The following SPHKAP variants were observed in gnomAD, a reference collection of about 807,000 sequenced individuals.
SPHKAP encodes SPHK1 interactor, AKAP domain containing, also known as A-kinase anchor protein SPHKAP.
SPHKAP carries 67 observed loss-of-function variants against 137.5 expected under a neutral mutation model. The observed-to-expected ratio is 0.49, with a 90% CI of 0.40 to 0.60. The LOEUF (loss-of-function observed/expected upper bound fraction) is 0.60. Ranked by LOEUF, SPHKAP falls within the 20% of genes least tolerant of loss-of-function variation. The probability of loss-of-function intolerance (pLI) is 0.00; values close to 1 mark genes in which losing one functional copy is unlikely to be tolerated. For synonymous variants in SPHKAP, 813 were observed against 785.3 expected, an observed-to-expected ratio of 1.04 and a Z score of -0.59; for missense variants, 2,097 against 2,069.3, an observed-to-expected ratio of 1.01 and a Z score of -0.26.
chr2:228,021,560 C>T (rs866302697), intron 6 of SPHKAP, 151 bp downstream of exon 6: 1 of 950,512 alleles, frequency 1.1e-6, no homozygotes, highest in Admixed American at 2.5e-5. Context: ...CCAGTGTTCT[C>T]ATATCCTCCT....
chr2:228,019,651 C>G lies in SPHKAP; in HGVS notation c.1203G>C (p.Gln401His). The G allele has an allele frequency of 6.2e-7, 1 of 1,614,110 alleles. No individual in the cohort carries two copies. The highest frequency in any genetic ancestry group is 8.5e-7 in the Non-Finnish European group (1 of 1,179,990). The change falls in exon 7 of 12, where the codon CAG becomes CAC. Residue 401 changes from glutamine (Q) to histidine (H), a missense_variant. Gln to His is a conservative substitution (Grantham distance 24). Coordinates refer to ENST00000392056, the MANE Select transcript of SPHKAP (RefSeq NM_001142644.2). Reference sequence around the variant, plus strand: ...ATTGAGATAATCTAATAAATGCATCCTGCAGCACGGATTCTGCTAAATTTG... The same window carrying G: ...ATTGAGATAATCTAATAAATGCATCGTGCAGCACGGATTCTGCTAAATTTG... ...YATNLAESVL[Q>H]DAFIRLSQSQ... is the part of the protein sequence containing the mutation.
At chr2:227,983,256 G>A (rs980631830) in intron 11 of SPHKAP, among the ~76,000 whole-genome samples, 2 of 152,176 alleles carry the variant, frequency 1.3e-5, no homozygotes, top group African/African-American at 4.8e-5. Flanking sequence ...GCTGTTAAAT[G>A]ATGTTTCTTC....
chr2:228,174,266 C>T (rs181075633), intron 1 of SPHKAP, among the ~76,000 whole-genome samples: 1 of 151,420 alleles, frequency 6.6e-6, no homozygotes, highest in Admixed American at 6.6e-5. Flanking sequence ...AAAGTGATAT[C>T]TTGAGATTAC....
At chr2:227,999,106 T>C (rs889033383) in intron 7 of SPHKAP, among the ~76,000 whole-genome samples, 6 of 152,332 alleles carry the variant, frequency 3.9e-5, no homozygotes, top group Admixed American at 6.5e-5. Flanking sequence ...TTTTTGAGTG[T>C]GATTAAAAAT....
chr2:228,111,605 G>T (rs558598430), intron 2 of SPHKAP, among the ~76,000 whole-genome samples: 1 of 152,174 alleles, frequency 6.6e-6, no homozygotes, highest in South Asian at 2.1e-4. Flanking sequence ...ATTTTTGCAT[G>T]CTTAGAATAT....
intron 1 of SPHKAP, among the ~76,000 whole-genome samples, chr2:228,167,296 C>T (rs1056647371): frequency 3.3e-5 from 5 of 152,148 alleles, no homozygotes; most frequent in African/African-American, 4.8e-5. Flanking sequence ...GAAGTCACCA[C>T]ATTTTTTTTC....
intron 3 of SPHKAP, among the ~76,000 whole-genome samples, chr2:228,048,198 A>G (rs1242445308): frequency 6.6e-6 from 1 of 152,180 alleles, no homozygotes; most frequent in African/African-American, 2.4e-5. Flanking sequence ...AGCACCCTCA[A>G]AAGATTTCCA....
chr2:228,001,528 CAT>C (rs1208543080), intron 7 of SPHKAP, among the ~76,000 whole-genome samples: 24 of 141,774 alleles, frequency 1.7e-4, no homozygotes, highest in East Asian at 4.0e-4. Context: ...AATATATATA[CAT>C]ATATATAAAA....
chr2:228,054,817 T>C (rs1047231089), intron 3 of SPHKAP, among the ~76,000 whole-genome samples: 5 of 151,976 alleles, frequency 3.3e-5, no homozygotes, highest in South Asian at 2.1e-4. Flanking sequence ...ATTAGTATAC[T>C]GACGTCTTAC....
intron 2 of SPHKAP, among the ~76,000 whole-genome samples, chr2:228,130,990 T>C (rs1008079416): frequency 5.9e-5 from 9 of 152,158 alleles, no homozygotes; most frequent in African/African-American, 2.2e-4. Flanking sequence ...CTTTCTGTAA[T>C]AAGTATATTT....
Position 228,025,489 on chromosome 2 carries a change from T to C in SPHKAP, c.346A>G (p.Ser116Gly), listed in dbSNP as rs747606981. The C allele has an allele frequency of 1.9e-6, 3 of 1,613,960 alleles. No individual in the cohort carries two copies. The highest frequency in any genetic ancestry group is 1.3e-5 in the African/African-American group (1 of 75,054). Residue 116 changes from serine to glycine, a missense_variant, in exon 5 of 12, where the codon AGT (serine) becomes GGT (glycine). By Grantham distance (56) the Ser-to-Gly change is moderately conservative. Coordinates refer to ENST00000392056, the MANE Select transcript of SPHKAP (RefSeq NM_001142644.2). ...TTTGGTTGTTGGACATTCATGGAAC[T>C]GATAAGTTTTGGAAGATCTGGTGAA... Reference protein sequence around the residue: ...NVSPDLPKLISSMNVQQPKEN... With the variant: ...NVSPDLPKLIGSMNVQQPKEN...
rs1248569110 is a variant in SPHKAP at position 228,018,498 on chromosome 2, T to G, written c.2356A>C (p.Asn786His). 1 of 1,614,154 alleles carries G rather than the reference T, an allele frequency of 6.2e-7. No individual in the cohort carries two copies. Among genetic ancestry groups the G allele is most frequent in the Non-Finnish European group, 8.5e-7 (1 of 1,180,016 alleles). The stretch of plus-strand genomic sequence containing the variant: ...TTTGAATACATGCCATCCACAAGAT[T>G]GTTGATGACAAGACTCGTGTTGTGT... ...NSHNTSLVIN[N>H]LVDGMYSKQD... The change falls in exon 7 of 12, where the codon AAT becomes CAT. Residue 786 changes from asparagine (N) to histidine (H), a missense_variant. Physicochemically the swap from Asn to His is moderately conservative, Grantham distance 68. Transcript: ENST00000392056.
chr2:228,067,767 A>T (rs1203900011), intron 3 of SPHKAP, among the ~76,000 whole-genome samples: 1 of 152,228 alleles, frequency 6.6e-6, no homozygotes, highest in Admixed American at 6.5e-5. Flanking sequence ...ACAAACATAC[A>T]TGCATAATCA....
At chr2:228,006,185 T>A (rs1446410449) in intron 7 of SPHKAP, among the ~76,000 whole-genome samples, 1 of 152,190 alleles carries the variant, frequency 6.6e-6, no homozygotes, top group Non-Finnish European at 1.5e-5. Context: ...ACCAATCCGA[T>A]GTAGATTTGT....
chr2:228,156,354 A>G (rs1700107471), intron 1 of SPHKAP, among the ~76,000 whole-genome samples: 1 of 152,190 alleles, frequency 6.6e-6, no homozygotes, highest in South Asian at 2.1e-4. Flanking sequence ...TCATGGTTAT[A>G]TGTCCCGGGC....
chr2:228,137,646 G>C (rs1013783606), intron 1 of SPHKAP, among the ~76,000 whole-genome samples: 4 of 152,006 alleles, frequency 2.6e-5, no homozygotes, highest in East Asian at 1.9e-4. Flanking sequence ...ATCTACTCTT[G>C]AGCTTTATAT....
rs527789810 is a variant in SPHKAP at position 227,981,343 on chromosome 2, G to T, written c.*374C>A. 49 of 157,354 alleles carry T rather than the reference G, an allele frequency of 3.1e-4. No homozygotes were observed. Among genetic ancestry groups the T allele is most frequent in the Middle Eastern group, 3.1e-3 (1 of 318 alleles). 9.7% of individuals were successfully genotyped at this position (157,354 alleles called of 1,614,324 possible). A position where few individuals can be genotyped will look rare whatever the true frequency, so the allele number is the denominator to read the frequency against. On this transcript the variant is annotated 3_prime_UTR_variant, in exon 12 of 12. Transcript: ENST00000392056. ...AAAAATTATTTTGACCACTGAGTTT[G>T]TTTCTAGTTGATTCATCTAATTAGA...
chr2:228,060,663 T>G (rs1157834314), intron 3 of SPHKAP, among the ~76,000 whole-genome samples: 1 of 152,210 alleles, frequency 6.6e-6, no homozygotes, highest in African/African-American at 2.4e-5. Context: ...GATATATTTG[T>G]AGTCAAATCA....
chr2:228,118,406 C>T (rs1281080291), intron 2 of SPHKAP, among the ~76,000 whole-genome samples: 1 of 151,944 alleles, frequency 6.6e-6, no homozygotes, highest in African/African-American at 2.4e-5. Context: ...AATGAAATTA[C>T]TAAGTCATAT....
Sources: allele counts gnomAD v4.1 joint callset (sites outside exome capture counted in the v4.1 genomes callset), GRCh38; gene constraint gnomAD v4.1.1; transcripts MANE v1.5; gene names NCBI Gene and HGNC (gene_info 2026-07-23, HGNC 2026-07-21).